SASH1: variants seen among roughly 807,000 people sequenced by gnomAD.
The protein encoded by SASH1 is SAM and SH3 domain containing 1.
A neutral mutation model predicts 125.2 loss-of-function variants in SASH1; 44 were observed. The ratio of observed to expected loss-of-function variants is 0.35; its 90% CI spans 0.28 to 0.45. The LOEUF is 0.45. SASH1 is among the 20% of genes least tolerant of loss of function. SASH1 has a pLI of 1.00. For missense variants in SASH1, 1,426 were observed against 1,614.5 expected (o/e 0.88, Z 2.00); for synonymous variants, 639 against 649.1 (o/e 0.98, Z 0.24).
At chr6:148,422,886 C>A (rs930166349) in intron 2 of SASH1, among the ~76,000 whole-genome samples, 1 of 152,054 alleles carries the variant, frequency 6.6e-6, no homozygotes, top group Non-Finnish European at 1.5e-5. Context: ...TTATATAATT[C>A]TTTTCTTTCT....
chr6:148,326,414 C>CTTT (rs56066712), intron 1 of SASH1, among the ~76,000 whole-genome samples: 1 of 83,976 alleles, frequency 1.2e-5, no homozygotes, highest in Non-Finnish European at 2.3e-5. Context: ...CTTTTCTTTT[C>CTTT]TTTTTTTTGA....
At chr6:148,281,780 G>A (rs1312230520) in intron 1 of SASH1, among the ~76,000 whole-genome samples, 1 of 151,916 alleles carries the variant, frequency 6.6e-6, no homozygotes, top group African/African-American at 2.4e-5. Flanking sequence ...AAAATTAGTC[G>A]GGCGTGGTGG....
chr6:148,549,408 T>C lies in SASH1; in HGVS notation c.*850T>C, dbSNP rs1249875126. 1.8e-5 allele frequency: 7 copies of C among 380,280 alleles called. No individual in the cohort carries two copies. In the East Asian group the frequency reaches 2.6e-4, roughly 14 times the overall value. The allele number at this position is 380,280 out of a possible 1,614,324, so 23.6% of individuals were successfully genotyped here. On this transcript the variant is annotated 3_prime_UTR_variant, in exon 20 of 20. Coordinates refer to ENST00000367467, the MANE Select transcript of SASH1 (RefSeq NM_015278.5). ...CTGAAATTCACAAATATCATGTGTG[T>C]GCGTGCGTGCGTGCGCGTGTGTGTC... is the stretch of plus-strand genomic sequence containing the variant.
At chr6:148,302,677 ACACG>A (rs67485897) in intron 1 of SASH1, among the ~76,000 whole-genome samples, 33,938 of 101,384 alleles carry the variant, frequency 0.33, 4,055 homozygotes, top group South Asian at 0.42. Flanking sequence ...ACACACACAC[ACACG>A]GAGAAATATA....
Position 148,446,088 on chromosome 6 carries a change from C to T in SASH1, c.386+5681C>T, listed in dbSNP as rs1398003579. On this transcript the variant is annotated intron_variant, in intron 4 of 19. Coordinates refer to ENST00000367467, the MANE Select transcript of SASH1 (RefSeq NM_015278.5). ...TTGCTATCCTGAACAACATAGGGTTCTTTTTTTTTTTTTTTTTTTTTTTTT... is the reference window on the plus strand; with the variant it reads ...TTGCTATCCTGAACAACATAGGGTTTTTTTTTTTTTTTTTTTTTTTTTTTT... Among the ~76,000 whole-genome samples, 514 of 70,884 alleles carry T rather than the reference C, an allele frequency of 7.3e-3. 4 individuals carry two copies. Among genetic ancestry groups the T allele is most frequent in the Middle Eastern group, 0.011 (1 of 88 alleles). The allele number at this position is 70,884 out of a possible 152,430, so 46.5% of individuals were successfully genotyped here. A position where few individuals can be genotyped will look rare whatever the true frequency, so the allele number is the denominator to read the frequency against.
intron 9 of SASH1, among the ~76,000 whole-genome samples, chr6:148,516,446 CCT>C (rs1342518280): frequency 3.3e-5 from 5 of 152,116 alleles, no homozygotes; most frequent in African/African-American, 1.2e-4. Flanking sequence ...TATCTTGGCC[CCT>C]GTCCATCTTG....
chr6:148,326,376 A>ATACATTCTTTTCTT (rs1582968893), intron 1 of SASH1, among the ~76,000 whole-genome samples: 2 of 38,316 alleles, frequency 5.2e-5, no homozygotes, highest in East Asian at 3.2e-3. Flanking sequence ...ATATATATAC[A>ATACATTCTTTTCTT]TTCTTTTCTT....
At chr6:148,367,069 G>C (rs369736711) in intron 1 of SASH1, among the ~76,000 whole-genome samples, 2 of 149,828 alleles carry the variant, frequency 1.3e-5, no homozygotes, top group South Asian at 4.3e-4. Flanking sequence ...CCTCCCAGGC[G>C]CCTGCCACCA....
chr6:148,457,870 AG>A (rs1338886400), intron 4 of SASH1, among the ~76,000 whole-genome samples: 1 of 152,182 alleles, frequency 6.6e-6, no homozygotes, highest in Non-Finnish European at 1.5e-5. Flanking sequence ...GTGCCAGCAA[AG>A]GGGGAAGCCC....
intron 18 of SASH1, among the ~76,000 whole-genome samples, chr6:148,545,391 A>G (rs951740079): frequency 2.0e-5 from 3 of 152,076 alleles, no homozygotes; most frequent in African/African-American, 4.8e-5. Flanking sequence ...ATCCTCCTCC[A>G]CCTCTCTGAC....
intron 1 of SASH1, among the ~76,000 whole-genome samples, chr6:148,273,945 T>C (rs758781697): frequency 2.6e-5 from 4 of 152,206 alleles, no homozygotes; most frequent in Non-Finnish European, 4.4e-5. Flanking sequence ...CTAGAAGAAA[T>C]GTCAGTTTGG....
At chr6:148,379,620 C>T (rs1783053627) in intron 1 of SASH1, among the ~76,000 whole-genome samples, 1 of 152,144 alleles carries the variant, frequency 6.6e-6, no homozygotes, top group African/African-American at 2.4e-5. Context: ...TCCATCCATC[C>T]ATCCATCCAT....
chr6:148,513,893 G>T (rs1780287067), intron 8 of SASH1: 1 of 986,404 alleles, frequency 1.0e-6, no homozygotes, highest in African/African-American at 1.7e-5. Context: ...ACAGAATTTT[G>T]GTTTGGAGAA....
At chr6:148,505,309 G>A (rs1412551395) in intron 8 of SASH1, among the ~76,000 whole-genome samples, 1 of 152,126 alleles carries the variant, frequency 6.6e-6, no homozygotes, top group Non-Finnish European at 1.5e-5. Flanking sequence ...AAAGGTTGTT[G>A]GTTTTTTCTG....
chr6:148,270,433 T>C (rs999163524), upstream of SASH1, among the ~76,000 whole-genome samples: 1 of 152,206 alleles, frequency 6.6e-6, no homozygotes, highest in African/African-American at 2.4e-5. Context: ...GCATTACTGA[T>C]ACCGATGAGC....
At chr6:148,409,349 A>G (rs1247312700) in intron 2 of SASH1, among the ~76,000 whole-genome samples, 7 of 152,224 alleles carry the variant, frequency 4.6e-5, no homozygotes, top group Non-Finnish European at 1.0e-4. Context: ...ATGATTAACA[A>G]TATTAAATGT....
chr6:148,413,167 A>G (rs1433462891), intron 2 of SASH1, among the ~76,000 whole-genome samples: 1 of 152,178 alleles, frequency 6.6e-6, no homozygotes, highest in African/African-American at 2.4e-5. Context: ...TTCCATCCAT[A>G]ATGTGGAAGC....
intron 8 of SASH1, chr6:148,513,158 AGCTTTTCTTTGGG>A (rs1780246610): frequency 1.0e-6 from 1 of 985,276 alleles, no homozygotes; most frequent in Admixed American, 6.1e-5. Context: ...GATTAGTGAG[AGCTTTTCTTTGGG>A]AGAAAAGTCT....
chr6:148,236,034 G>T, the SASH1 span, among the ~76,000 whole-genome samples: 1 of 152,048 alleles, frequency 6.6e-6, no homozygotes, highest in South Asian at 2.1e-4. Context: ...AGAAAATAAT[G>T]GTCTAATACA....
Sources: allele counts gnomAD v4.1 joint callset (sites outside exome capture counted in the v4.1 genomes callset), GRCh38; gene constraint gnomAD v4.1.1; transcripts MANE v1.5; gene names NCBI Gene and HGNC (gene_info 2026-07-23, HGNC 2026-07-21).